Variants in PDCD7 observed in about 807,000 individuals in gnomAD.
PDCD7 encodes programmed cell death protein 7.
In PDCD7, 40 loss-of-function variants were observed where a neutral mutation model predicts 42.1. That is an observed-to-expected ratio of 0.95 (90% CI 0.74 to 1.24). The LOEUF is 1.24. PDCD7 is among the 50% of genes most tolerant of loss of function. The pLI, the probability that PDCD7 is intolerant of heterozygous loss-of-function variation, is 0.00. For synonymous variants in PDCD7, 299 were observed against 303.3 expected (o/e 0.99, Z 0.15); for missense variants, 644 against 662.8 (o/e 0.97, Z 0.31).
chr15:65,125,688 T>A (rs1001119988), intron 2 of PDCD7, among the ~76,000 whole-genome samples: 4 of 152,228 alleles, frequency 2.6e-5, no homozygotes, highest in African/African-American at 4.8e-5. Context: ...ATTAATTTAA[T>A]CCTCACGACA....
chr15:65,131,367 A>C (rs778283192), intron 1 of PDCD7, among the ~76,000 whole-genome samples: 2 of 152,210 alleles, frequency 1.3e-5, no homozygotes, highest in East Asian at 1.9e-4. Flanking sequence ...TGAGTTGTAT[A>C]ATTATTTCAT....
intron 2 of PDCD7, among the ~76,000 whole-genome samples, chr15:65,127,285 G>A (rs567521905): frequency 1.3e-5 from 2 of 151,980 alleles, no homozygotes; most frequent in African/African-American, 2.4e-5. Flanking sequence ...GTGAAACCCC[G>A]TCTCTACTAA....
Position 65,133,796 on chromosome 15 carries a change from T to A in PDCD7, c.-15A>T. On this transcript the variant is annotated 5_prime_UTR_variant, in exon 1 of 5. Coordinates refer to ENST00000204549, the MANE Select transcript of PDCD7 (RefSeq NM_005707.2). Reference sequence around the variant, plus strand: ...GGCAGGGCCATGTTCACGACGGAGATGCTTTGAGAAGTGACAGGAATCTGA... The same window carrying A: ...GGCAGGGCCATGTTCACGACGGAGAAGCTTTGAGAAGTGACAGGAATCTGA... 2 of 1,361,110 alleles carry A rather than the reference T, an allele frequency of 1.5e-6. No individual in the cohort carries two copies. Among genetic ancestry groups the A allele is most frequent in the Non-Finnish European group, 1.9e-6 (2 of 1,055,742 alleles). The allele number at this position is 1,361,110 out of a possible 1,614,324, so 84.3% of individuals were successfully genotyped here. A position where few individuals can be genotyped will look rare whatever the true frequency, so the allele number is the denominator to read the frequency against.
chr15:65,132,336 T>C (rs563716740), intron 1 of PDCD7, among the ~76,000 whole-genome samples: 71 of 151,374 alleles, frequency 4.7e-4, no homozygotes, highest in African/African-American at 1.6e-3. Flanking sequence ...CAGGCTGGAA[T>C]GCAGTGGTGC....
Position 65,127,981 on chromosome 15 carries a change from G to A in PDCD7, c.1009+1051C>T, listed in dbSNP as rs961612022. Reference sequence around the variant, plus strand: ...CACAATGGAGGCATCTGTTTCTGAGGTCTGGATGTGAATTAGCCGCTCTGA... The same window carrying A: ...CACAATGGAGGCATCTGTTTCTGAGATCTGGATGTGAATTAGCCGCTCTGA... On this transcript the variant is annotated intron_variant, in intron 2 of 4. Coordinates refer to ENST00000204549, the MANE Select transcript of PDCD7 (RefSeq NM_005707.2). 2.0e-5 allele frequency among the ~76,000 whole-genome samples: 3 copies of A among 152,302 alleles called. No homozygotes were observed. The East Asian group carries it at 5.8e-4, about 29-fold the overall frequency.
chr15:65,129,824 G>A (rs2087524822), intron 1 of PDCD7, among the ~76,000 whole-genome samples: 1 of 152,008 alleles, frequency 6.6e-6, no homozygotes, highest in South Asian at 2.1e-4. Flanking sequence ...GGAGGCTAAG[G>A]CGAGAGGATC....
intron 4 of PDCD7, 98 bp from the exon 5 acceptor site, chr15:65,118,938 G>A (rs1351466905): frequency 3.7e-6 from 3 of 802,118 alleles, no homozygotes; most frequent in African/African-American, 1.8e-5. Flanking sequence ...TCAAATGACT[G>A]ATATACTAAT....
chr15:65,133,653 C>A lies in PDCD7; in HGVS notation c.129G>T (p.Gln43His). ...AGGCCCCCGGAAAAGGGCCGGGCCG[C>A]TGGGGGAGAGGCGGCGGGAAAGCCG... ...PSPAFPPPLP[Q>H]RPGPFPGASA... Residue 43 changes from glutamine (Q) to histidine (H), a missense_variant, in exon 1 of 5, where the codon CAG becomes CAT. Gln to His is a conservative substitution (Grantham distance 24). Transcript: ENST00000204549. The A allele has an allele frequency of 1.6e-6, 2 of 1,262,434 alleles. No homozygotes were observed. Among genetic ancestry groups the A allele is most frequent in the Non-Finnish European group, 2.0e-6 (2 of 999,008 alleles). The allele number at this position is 1,262,434 out of a possible 1,614,324, so 78.2% of individuals were successfully genotyped here.
intron 2 of PDCD7, among the ~76,000 whole-genome samples, chr15:65,128,614 A>G (rs1008782476): frequency 1.3e-5 from 2 of 152,234 alleles, no homozygotes; most frequent in African/African-American, 4.8e-5. Flanking sequence ...CTTCAAATAG[A>G]AATAATTCAG....
In PDCD7 at chr15:65,132,962, TCTC is replaced by T; in HGVS notation, c.817_819del (p.Glu273del). 1.9e-6 allele frequency: 3 copies of T among 1,606,382 alleles called. No homozygotes were observed. Among genetic ancestry groups the T allele is most frequent in the Non-Finnish European group, 2.5e-6 (3 of 1,179,822 alleles). ...ACACACTTCACCCTCCAGCGGTCAA[TCTC>T]CTGCTCGCGTTCCACTGCCCGCGCG... On this transcript the variant is annotated inframe_deletion, in exon 1 of 5. Coordinates refer to ENST00000204549, the MANE Select transcript of PDCD7 (RefSeq NM_005707.2).
At chr15:65,131,038 C>A (rs2087535980) in intron 1 of PDCD7, among the ~76,000 whole-genome samples, 1 of 152,132 alleles carries the variant, frequency 6.6e-6, no homozygotes, top group South Asian at 2.1e-4. Context: ...GGATGGTAAC[C>A]AGTCCATGGC....
chr15:65,128,977 A>T (rs2087517612), intron 2 of PDCD7, 55 bp downstream of exon 2: 1 of 1,590,084 alleles, frequency 6.3e-7, no homozygotes, highest in South Asian at 1.1e-5. Flanking sequence ...GGGTGGGAGG[A>T]GCTAGAGTAA....
At chr15:65,131,852 G>T (rs527284873) in intron 1 of PDCD7, among the ~76,000 whole-genome samples, 1 of 152,066 alleles carries the variant, frequency 6.6e-6, no homozygotes, top group Non-Finnish European at 1.5e-5. Flanking sequence ...TTTGGAATTA[G>T]ACAACTTGGG....
At chr15:65,127,088 C>T (rs1014709979) in intron 2 of PDCD7, among the ~76,000 whole-genome samples, 1 of 152,170 alleles carries the variant, frequency 6.6e-6, no homozygotes, top group Non-Finnish European at 1.5e-5. Context: ...TCTCTCTGCC[C>T]TTCTCTCTCT....
chr15:65,132,510 A>C (rs1469770079), intron 1 of PDCD7, among the ~76,000 whole-genome samples: 1 of 151,990 alleles, frequency 6.6e-6, no homozygotes, highest in Admixed American at 6.6e-5. Flanking sequence ...TCCGCCTCCC[A>C]AAGTGCTGGG....
chr15:65,129,276 AAG>A, intron 1 of PDCD7, 106 bp from the exon 2 acceptor site: 1 of 1,232,268 alleles, frequency 8.1e-7, no homozygotes, highest in Non-Finnish European at 1.1e-6. Flanking sequence ...TCTCCAGGTT[AAG>A]AGAGACTCTA....
intron 4 of PDCD7, 57 bp from the exon 5 acceptor site, chr15:65,118,897 T>C: frequency 7.7e-7 from 1 of 1,306,900 alleles, no homozygotes; most frequent in South Asian, 1.7e-5. Context: ...AAATAAGATG[T>C]TCAGCAACTA....
At chr15:65,122,541 C>T (rs1427657521) in intron 2 of PDCD7, among the ~76,000 whole-genome samples, 1 of 152,116 alleles carries the variant, frequency 6.6e-6, no homozygotes, top group African/African-American at 2.4e-5. Flanking sequence ...CTTCTCCAAT[C>T]TTCATAATTA....
chr15:65,133,557 G>A lies in PDCD7; in HGVS notation c.225C>T (p.Gly75=). Residue 75 remains glycine (G), a synonymous_variant, in exon 1 of 5, where the codon GGC becomes GGT. Transcript: ENST00000204549. The part of the protein sequence containing the change: ...RASAEASRGG[G]GAGAFYPVPP... Reference sequence around the variant, plus strand: ...GCACCGGGTAGAAGGCGCCAGCGCCGCCTCCGCCGCGGGAGGCCTCCGCGG... The same window carrying A: ...GCACCGGGTAGAAGGCGCCAGCGCCACCTCCGCCGCGGGAGGCCTCCGCGG... 12 of 1,229,828 alleles carry A rather than the reference G, an allele frequency of 9.8e-6. No individual in the cohort carries two copies. Among genetic ancestry groups the A allele is most frequent in the Non-Finnish European group, 1.1e-5 (11 of 986,608 alleles). 76.2% of individuals were successfully genotyped at this position (1,229,828 alleles called of 1,614,324 possible).
Sources: gnomAD v4.1 joint callset for allele counts (sites outside exome capture counted in the v4.1 genomes callset) on GRCh38, gnomAD v4.1.1 for gene constraint, MANE v1.5 for transcripts, NCBI Gene and HGNC (gene_info 2026-07-23, HGNC 2026-07-21) for gene names.